The following SLC25A46 variants were observed in gnomAD, a reference collection of about 807,000 sequenced individuals.
The protein encoded by SLC25A46 is solute carrier family 25 member 46.
A neutral mutation model predicts 44.6 loss-of-function variants in SLC25A46; 39 were observed. The observed-to-expected ratio is 0.87, with a 90% CI of 0.68 to 1.14. The LOEUF is 1.14. Among genes scored for constraint, SLC25A46 ranks in the 50% most tolerant of loss-of-function variants. The pLI, the probability that SLC25A46 is intolerant of heterozygous loss-of-function variation, is 0.00. For synonymous variants in SLC25A46, 202 were observed against 185.8 expected (o/e 1.09, Z -0.71); for missense variants, 547 against 522.7 (o/e 1.05, Z -0.45).
At position 110,742,077 on chromosome 5, in the gene SLC25A46, T is replaced by C. The variant is rs375056013; in HGVS notation, c.314T>C (p.Ile105Thr). 6.5e-5 allele frequency: 103 copies of C among 1,575,326 alleles called. No individual in the cohort carries two copies. The highest frequency in any genetic ancestry group is 8.4e-5 in the Non-Finnish European group (98 of 1,160,600). ...CTGAATAGATTTGCTGGATTTGGTA[T>C]TGGACTTGCAAGGTAATGTTTTATC... ...EQLNRFAGFG[I>T]GLASLFTENV... Residue 105 changes from isoleucine (I) to threonine (T), a missense_variant, in exon 2 of 8, where the codon ATT becomes ACT. Transcript: ENST00000355943.
At chr5:110,745,932 G>C (rs1799806210) in intron 3 of SLC25A46, 2 of 171,796 alleles carry the variant, frequency 1.2e-5, no homozygotes, top group Non-Finnish European at 1.2e-5. Flanking sequence ...GCCAAGTACA[G>C]TTTGAAAAAT....
chr5:110,745,562 C>G (rs1228118308), intron 3 of SLC25A46: 1 of 152,068 alleles, frequency 6.6e-6, no homozygotes, highest in Non-Finnish European at 1.5e-5. Flanking sequence ...CTGTTATAAC[C>G]CACTTTCTCT....
intron 1 of SLC25A46, among the ~76,000 whole-genome samples, chr5:110,740,901 G>A (rs1432171090): frequency 6.6e-6 from 1 of 152,182 alleles, no homozygotes; most frequent in Non-Finnish European, 1.5e-5. Flanking sequence ...GCAGTGAGCC[G>A]AGATCGCGTC....
rs1800245179 is a variant in SLC25A46, at chr5:110,761,365, A to C, written c.840A>C (p.Ser280=). 1 of 1,613,636 alleles carries C rather than the reference A, an allele frequency of 6.2e-7. No homozygotes were observed. The highest frequency in any genetic ancestry group is 1.1e-5 in the South Asian group (1 of 91,082). Residue 280 remains serine, a synonymous_variant, in exon 8 of 8, where the codon TCA becomes TCC. Coordinates refer to ENST00000355943, the MANE Select transcript of SLC25A46 (RefSeq NM_138773.4). This position sits in a 1 kb window ranked among gnomAD's most constrained non-coding sequence, Gnocchi z 5.3. ...LHGVLHYIIS[S]VIQKFVLLIL... ...GAGTTCTTCATTACATCATCAGCTCAGTTATTCAGAAGTTTGTCCTACTAA... is the reference window on the plus strand; with the variant it reads ...GAGTTCTTCATTACATCATCAGCTCCGTTATTCAGAAGTTTGTCCTACTAA...
At position 110,763,842 on chromosome 5, in the gene SLC25A46, T is replaced by C. The variant is rs561444528; in HGVS notation, c.*2060T>C. 3 of 151,922 alleles carry C rather than the reference T, an allele frequency of 2.0e-5. No individual in the cohort carries two copies. In the South Asian group the frequency reaches 6.2e-4, roughly 31 times the overall value. The allele number at this position is 151,922 out of a possible 1,614,324, so 9.4% of individuals were successfully genotyped here. A position where few individuals can be genotyped will look rare whatever the true frequency, so the allele number is the denominator to read the frequency against. ...ACAAATTAACATTAAAATTGAAATG[T>C]AGAAAGTAAAATATGAATAATTTTT... On this transcript the variant is annotated 3_prime_UTR_variant, in exon 8 of 8. Coordinates refer to ENST00000355943, the MANE Select transcript of SLC25A46 (RefSeq NM_138773.4).
chr5:110,739,137 G>C lies in SLC25A46; in HGVS notation c.18G>C (p.Pro6=). 6.5e-7 allele frequency: 1 copy of C among 1,548,520 alleles called. No individual in the cohort carries two copies. The highest frequency in any genetic ancestry group is 8.7e-7 in the Non-Finnish European group (1 of 1,146,718). ...CCGCTGCGATGCATCCGCGGCGCCC[G>C]GACGGATTTGATGGCTTGGGCTACC... The part of the protein sequence containing the change: MHPRR[P]DGFDGLGYRG... Residue 6 remains proline (P), a synonymous_variant, in exon 1 of 8, where the codon CCG becomes CCC. Transcript: ENST00000355943.
rs1800313833 is a variant in SLC25A46, at chr5:110,763,519, CA to C, written c.*1739del. The C allele has an allele frequency of 6.6e-6, 1 of 151,642 alleles. No homozygotes were observed. Among genetic ancestry groups the C allele is most frequent in the African/African-American group, 2.4e-5 (1 of 41,350 alleles). The allele number at this position is 151,642 out of a possible 1,614,324, so 9.4% of individuals were successfully genotyped here. ...ATTTTAGATTAAGGTTTACTTTGTC[CA>C]ACCAATAGCATTTAAATTGTTTTCA... On this transcript the variant is annotated 3_prime_UTR_variant, in exon 8 of 8. Coordinates refer to ENST00000355943, the MANE Select transcript of SLC25A46 (RefSeq NM_138773.4).
At chr5:110,760,033 T>C (rs1178841289) in intron 7 of SLC25A46, among the ~76,000 whole-genome samples, 1 of 152,168 alleles carries the variant, frequency 6.6e-6, no homozygotes, top group African/African-American at 2.4e-5. Flanking sequence ...GTGTACCTTT[T>C]TCTGTAATTT....
intron 1 of SLC25A46, among the ~76,000 whole-genome samples, chr5:110,739,971 G>A (rs1356766210): frequency 1.3e-5 from 2 of 151,980 alleles, no homozygotes; most frequent in Non-Finnish European, 2.9e-5. Context: ...TTTGAACACA[G>A]GAGTTTTGTC....
At position 110,761,644 on chromosome 5, in the gene SLC25A46, C is replaced by T; in HGVS notation, c.1119C>T (p.Ile373=). The change falls in exon 8 of 8, where the codon ATC becomes ATT. Residue 373 remains isoleucine (I), a synonymous_variant. Coordinates refer to ENST00000355943, the MANE Select transcript of SLC25A46 (RefSeq NM_138773.4). The surrounding 1 kb of genome is among the most constrained non-coding windows in gnomAD (Gnocchi z 5.3). The part of the protein sequence containing the change: ...NTQYEGMRDC[I]NTIRQEEGVF... Reference sequence around the variant, plus strand: ...AATATGAGGGAATGAGAGACTGTATCAATACCATAAGGCAGGAGGAAGGAG... The same window carrying T: ...AATATGAGGGAATGAGAGACTGTATTAATACCATAAGGCAGGAGGAAGGAG... 6.2e-7 allele frequency: 1 copy of T among 1,613,644 alleles called. No individual in the cohort carries two copies. The highest frequency in any genetic ancestry group is 1.7e-4 in the Middle Eastern group (1 of 6,060).
At chr5:110,760,157 A>G (rs1800214138) in intron 7 of SLC25A46, among the ~76,000 whole-genome samples, 1 of 152,206 alleles carries the variant, frequency 6.6e-6, no homozygotes, top group East Asian at 1.9e-4. Context: ...CTATTCCCCC[A>G]GTTCCTCTGG....
chr5:110,757,591 GATT>G (rs911115137), intron 7 of SLC25A46, among the ~76,000 whole-genome samples: 4 of 151,792 alleles, frequency 2.6e-5, no homozygotes, highest in Middle Eastern at 3.4e-3. Context: ...TTTGATTTAT[GATT>G]ATTATTATTA....
rs1372912865 is a variant in SLC25A46 at position 110,764,348 on chromosome 5, T to C, written c.*2566T>C. 6.6e-6 allele frequency: 1 copy of C among 151,886 alleles called. No individual in the cohort carries two copies. Among genetic ancestry groups the C allele is most frequent in the East Asian group, 1.9e-4 (1 of 5,170 alleles). 9.4% of individuals were successfully genotyped at this position (151,886 alleles called of 1,614,324 possible). A position where few individuals can be genotyped will look rare whatever the true frequency, so the allele number is the denominator to read the frequency against. ...CCTTCCCGAAATGCCATTCTCAATT[T>C]TATTTTATGGGCTCCAAAAAAAATT... On this transcript the variant is annotated 3_prime_UTR_variant, in exon 8 of 8. Transcript: ENST00000355943.
At chr5:110,743,553 G>A (rs985326757) in intron 2 of SLC25A46, among the ~76,000 whole-genome samples, 177 bp from the exon 3 acceptor site, 4 of 151,880 alleles carry the variant, frequency 2.6e-5, no homozygotes, top group African/African-American at 4.8e-5. Context: ...TTCGTTATGG[G>A]TAGAATCATT....
chr5:110,741,506 G>A (rs73230117), intron 1 of SLC25A46, among the ~76,000 whole-genome samples: 6,390 of 152,194 alleles, frequency 0.042, 438 homozygotes, highest in African/African-American at 0.15. Context: ...AGTGCTCTCC[G>A]TCAGTAACAG....
At chr5:110,740,173 T>G (rs1799616363) in intron 1 of SLC25A46, among the ~76,000 whole-genome samples, 1 of 152,222 alleles carries the variant, frequency 6.6e-6, no homozygotes. Context: ...TGTAGATATT[T>G]TCAACATCCT....
intron 5 of SLC25A46, among the ~76,000 whole-genome samples, chr5:110,752,658 A>T (rs1047976484): frequency 5.9e-5 from 9 of 152,192 alleles, no homozygotes; most frequent in Non-Finnish European, 1.5e-5. Flanking sequence ...TTCCTTTCTG[A>T]TTAATAGTTC....
intron 7 of SLC25A46, among the ~76,000 whole-genome samples, chr5:110,760,605 C>T (rs1055969999): frequency 3.9e-5 from 6 of 152,114 alleles, no homozygotes; most frequent in Non-Finnish European, 7.4e-5. Context: ...ATCTATACCT[C>T]GGTAATCCAC....
intron 1 of SLC25A46, chr5:110,741,817 G>C (rs1396978594): frequency 2.7e-6 from 1 of 366,968 alleles, no homozygotes; most frequent in South Asian, 6.9e-5. Flanking sequence ...GAGTGAAAGC[G>C]TAATTGTGCT....
Sources: allele counts gnomAD v4.1 joint callset (sites outside exome capture counted in the v4.1 genomes callset), GRCh38; gene constraint gnomAD v4.1.1; non-coding constraint Gnocchi (gnomAD v3.1); transcripts MANE v1.5; gene names NCBI Gene and HGNC (gene_info 2026-07-23, HGNC 2026-07-21).